PYM1: variants seen among roughly 807,000 people sequenced by gnomAD.
The protein encoded by PYM1 is partner of Y14 and mago.
In PYM1, 7 loss-of-function variants were observed where a neutral mutation model predicts 20.7. The ratio of observed to expected loss-of-function variants is 0.34; its 90% CI spans 0.19 to 0.64. PYM1 has a LOEUF of 0.64. Ranked by LOEUF, PYM1 falls within the 30% of genes least tolerant of loss-of-function variation. The pLI is 0.74. For missense variants in PYM1, 194 were observed against 250.0 expected, an observed-to-expected ratio of 0.78 and a Z score of 1.51; for synonymous variants, 100 against 99.2, an observed-to-expected ratio of 1.01 and a Z score of -0.05.
chr12:55,922,164 C>G (rs1592642142), intron 1 of PYM1, among the ~76,000 whole-genome samples: 1 of 152,180 alleles, frequency 6.6e-6, no homozygotes, highest in South Asian at 2.1e-4. Context: ...CCATGCCCAG[C>G]CCTTAATCTC....
intron 1 of PYM1, among the ~76,000 whole-genome samples, chr12:55,914,986 T>C (rs1267156797): frequency 2.7e-5 from 4 of 150,836 alleles, no homozygotes; most frequent in Non-Finnish European, 5.9e-5. Flanking sequence ...GAGGCCGAGG[T>C]GGGTGGATCA....
At chr12:55,908,315 G>A (rs1445909297) in intron 1 of PYM1, among the ~76,000 whole-genome samples, 1 of 151,814 alleles carries the variant, frequency 6.6e-6, no homozygotes, top group African/African-American at 2.4e-5. Context: ...TGTAATCCCA[G>A]CTACTGGGGA....
intron 1 of PYM1, among the ~76,000 whole-genome samples, chr12:55,924,055 G>A (rs1353778334): frequency 2.0e-5 from 3 of 150,512 alleles, no homozygotes; most frequent in East Asian, 2.0e-4. Context: ...CAGCCTGGGC[G>A]ACAGAGTGAG....
chr12:55,918,823 G>A (rs1440981543), intron 1 of PYM1, among the ~76,000 whole-genome samples: 2 of 152,182 alleles, frequency 1.3e-5, no homozygotes, highest in African/African-American at 2.4e-5. Flanking sequence ...AGCCGAGATT[G>A]CACCACTGCA....
chr12:55,922,445 C>CAA (rs56355933), intron 1 of PYM1, among the ~76,000 whole-genome samples: 5,058 of 86,182 alleles, frequency 0.059, 242 homozygotes, highest in Middle Eastern at 0.18. Flanking sequence ...CCATCTTTAC[C>CAA]AAAAAAAAAA....
rs1882698783 is a variant in PYM1, at chr12:55,901,982, G to C, written c.505C>G (p.Gln169Glu). Residue 169 changes from glutamine (Q) to glutamate (E), a missense_variant, in exon 3 of 3, where the codon CAG becomes GAG. Physicochemically the swap from Gln to Glu is conservative, Grantham distance 29. This residue lies in a region of PYM1 where 158 missense variants were observed against 179.0 expected (regional missense o/e 0.88). Coordinates refer to ENST00000408946, the MANE Select transcript of PYM1 (RefSeq NM_032345.3). ...KKLRQVEELQ[Q>E]RIQAGEVSQP... ...CTGACTTCCCCAGCCTGGATCCGCT[G>C]CTGCAGCTCTTCCACCTGCCGGAGT... 2 of 1,613,994 alleles carry C rather than the reference G, an allele frequency of 1.2e-6. No individual in the cohort carries two copies. Among genetic ancestry groups the C allele is most frequent in the African/African-American group, 2.7e-5 (2 of 74,904 alleles).
chr12:55,926,956 C>A, intron 1 of PYM1: 2 of 1,052,388 alleles, frequency 1.9e-6, no homozygotes, highest in Non-Finnish European at 2.7e-6. Context: ...ATGGGGAAGG[C>A]GGTCCGGGGG....
chr12:55,921,397 T>C (rs1234479327), intron 1 of PYM1, among the ~76,000 whole-genome samples: 1 of 152,082 alleles, frequency 6.6e-6, no homozygotes, highest in Non-Finnish European at 1.5e-5. Flanking sequence ...TAACAAGTAC[T>C]GTAGATGGGA....
At chr12:55,918,882 A>T (rs1883053097) in intron 1 of PYM1, among the ~76,000 whole-genome samples, 1 of 152,182 alleles carries the variant, frequency 6.6e-6, no homozygotes, top group South Asian at 2.1e-4. Context: ...AAACAAAAAT[A>T]AAAAAGGTAG....
At position 55,903,387 on chromosome 12, in the gene PYM1, A is replaced by G; in HGVS notation, c.131T>C (p.Val44Ala). The G allele has an allele frequency of 6.2e-7, 1 of 1,613,930 alleles. No individual in the cohort carries two copies. The highest frequency in any genetic ancestry group is 1.1e-5 in the South Asian group (1 of 91,078). ...CCCTACGCAAAGCCTAACCACGTAC[A>G]CTGGGACCTCCTCCTGGGGCACATA... ...EGYVPQEEVPVYENKYVKFFK... is the reference protein window; with the variant it reads ...EGYVPQEEVPAYENKYVKFFK... Residue 44 changes from valine (V) to alanine (A), a missense_variant and splice_region_variant, in exon 2 of 3, where the codon GTA becomes GCA. By Grantham distance (64) the Val-to-Ala change is moderately conservative. Transcript: ENST00000408946.
At chr12:55,907,832 A>G (rs1294130439) in intron 1 of PYM1, among the ~76,000 whole-genome samples, 1 of 151,744 alleles carries the variant, frequency 6.6e-6, no homozygotes, top group African/African-American at 2.4e-5. Flanking sequence ...TCAGCTACTC[A>G]GGAGGCTGAG....
At chr12:55,921,784 C>T (rs1296086796) in intron 1 of PYM1, among the ~76,000 whole-genome samples, 2 of 151,998 alleles carry the variant, frequency 1.3e-5, no homozygotes, top group Admixed American at 6.6e-5. Flanking sequence ...TGGATTATAA[C>T]CTAACATATA....
chr12:55,907,980 A>ACGTT (rs1882854602), intron 1 of PYM1, among the ~76,000 whole-genome samples: 1 of 148,316 alleles, frequency 6.7e-6, no homozygotes. Context: ...ATGGTGGCTC[A>ACGTT]TGCCTGTAAT....
intron 1 of PYM1, chr12:55,926,947 T>A (rs1362331153): frequency 1.0e-6 from 1 of 972,324 alleles, no homozygotes; most frequent in African/African-American, 1.7e-5. Flanking sequence ...AGAGAATGAA[T>A]GGGGAAGGCG....
intron 1 of PYM1, among the ~76,000 whole-genome samples, chr12:55,911,473 T>C (rs1882921728): frequency 6.6e-6 from 1 of 152,150 alleles, no homozygotes; most frequent in Non-Finnish European, 1.5e-5. Flanking sequence ...GCAGAGCCAT[T>C]TTAAGATACG....
intron 1 of PYM1, among the ~76,000 whole-genome samples, chr12:55,915,254 A>G (rs566011287): frequency 2.1e-5 from 3 of 145,334 alleles, no homozygotes; most frequent in Non-Finnish European, 4.5e-5. Context: ...TAGGTGATTA[A>G]CAGTATTAAA....
chr12:55,924,312 C>T (rs1274999687), intron 1 of PYM1, among the ~76,000 whole-genome samples: 1 of 152,008 alleles, frequency 6.6e-6, no homozygotes, highest in Admixed American at 6.6e-5. Context: ...AACAAATAGG[C>T]AGCAAGGAAA....
In PYM1 at chr12:55,903,918, T is replaced by C. The variant is rs1882738659; in HGVS notation, c.38-438A>G. On this transcript the variant is annotated intron_variant, in intron 1 of 2. Transcript: ENST00000408946. ...AACTTTTAGGAATTCATACCATAGA[T>C]ACATACACACCAGTACACGAGGATG... Among the ~76,000 whole-genome samples, 4 of 152,268 alleles carry C rather than the reference T, an allele frequency of 2.6e-5. No homozygotes were observed. The South Asian group carries it at 8.3e-4, about 32-fold the overall frequency.
intron 1 of PYM1, among the ~76,000 whole-genome samples, chr12:55,925,025 A>T (rs1365725690): frequency 6.6e-6 from 1 of 152,230 alleles, no homozygotes; most frequent in East Asian, 1.9e-4. Flanking sequence ...AGAAGCCATG[A>T]TCTTGGCAGA....
Sources: gnomAD v4.1 joint callset for allele counts (sites outside exome capture counted in the v4.1 genomes callset) on GRCh38, gnomAD v4.1.1 for gene constraint, gnomAD v4.1.1 regional missense constraint, MANE v1.5 for transcripts, NCBI Gene and HGNC (gene_info 2026-07-23, HGNC 2026-07-21) for gene names.